The following KDF1 variants were observed in gnomAD, a reference collection of about 807,000 sequenced individuals.
KDF1 encodes the protein RP11-344H11.3.
In KDF1, 11 loss-of-function variants were observed where a neutral mutation model predicts 31.6. That is an observed-to-expected ratio of 0.35 (90% CI 0.22 to 0.58). KDF1 has a LOEUF of 0.58. Ranked by LOEUF, KDF1 falls within the 20% of genes least tolerant of loss-of-function variation. The pLI is 0.83. For missense variants in KDF1, 476 were observed against 549.1 expected (o/e 0.87, Z 1.33); for synonymous variants, 205 against 214.4 (o/e 0.96, Z 0.38).
Position 26,960,336 on chromosome 1 carries a change from C to G in KDF1, c.-33+14G>C, listed in dbSNP as rs572115798. The G allele has an allele frequency of 1.3e-5, 2 of 152,208 alleles. No individual in the cohort carries two copies. The highest frequency in any genetic ancestry group is 1.9e-4 in the East Asian group (1 of 5,174). 9.4% of individuals were successfully genotyped at this position (152,208 alleles called of 1,614,324 possible). On this transcript the variant is annotated intron_variant, in intron 1 of 3. Coordinates refer to ENST00000320567, the MANE Select transcript of KDF1 (RefSeq NM_152365.3). This position sits in a 1 kb window ranked among gnomAD's most constrained non-coding sequence, Gnocchi z 4.9. ...GCCCTGGCTTGCGCCCCCCTGGGCC[C>G]GCGCCGGGCTTACCTGTCCCGCCAG...
At chr1:26,957,039 G>A (rs1030694891) in intron 1 of KDF1, among the ~76,000 whole-genome samples, 8 of 152,168 alleles carry the variant, frequency 5.3e-5, no homozygotes, top group South Asian at 2.1e-4. Context: ...TGATCCTCCT[G>A]CCTCAGCCAC....
Position 26,952,024 on chromosome 1 carries a change from A to C in KDF1, c.357T>G (p.Thr119=). ...CCCAGTTGGCTTCAGCAGTCCCCTCAGTGGAGTCCTCAGTAGACAGGCAGG... is the reference window on the plus strand; with the variant it reads ...CCCAGTTGGCTTCAGCAGTCCCCTCCGTGGAGTCCTCAGTAGACAGGCAGG... ...CSPCLSTEDS[T]EGTAEANWAK... Residue 119 remains threonine, a synonymous_variant, in exon 2 of 4, where the codon ACT becomes ACG. Transcript: ENST00000320567. The surrounding 1 kb of genome is among the most constrained non-coding windows in gnomAD (Gnocchi z 4.1). 1.2e-6 allele frequency: 2 copies of C among 1,613,456 alleles called. No individual in the cohort carries two copies. Among genetic ancestry groups the C allele is most frequent in the Non-Finnish European group, 1.7e-6 (2 of 1,179,842 alleles).
chr1:26,953,595 T>C (rs2082362397), intron 1 of KDF1, among the ~76,000 whole-genome samples: 1 of 152,220 alleles, frequency 6.6e-6, no homozygotes, highest in Non-Finnish European at 1.5e-5. Context: ...GAAAGGAAAT[T>C]CTTATACATG....
Position 26,951,880 on chromosome 1 carries a change from T to C in KDF1, c.501A>G (p.Lys167=), listed in dbSNP as rs527397998. The change falls in exon 2 of 4, where the codon AAA becomes AAG. Residue 167 remains lysine (K), a synonymous_variant. Coordinates refer to ENST00000320567, the MANE Select transcript of KDF1 (RefSeq NM_152365.3). This position sits in a 1 kb window ranked among gnomAD's most constrained non-coding sequence, Gnocchi z 5.4. ...TCGGGTAGGGATACACAGGGATGCCTTTGAGCTTAACATCGGGGTAGCTGA... is the reference window on the plus strand; with the variant it reads ...TCGGGTAGGGATACACAGGGATGCCCTTGAGCTTAACATCGGGGTAGCTGA... ...SSFSYPDVKL[K]GIPVYPYPRA... is the part of the protein sequence containing the mutation. 6.2e-7 allele frequency: 1 copy of C among 1,612,112 alleles called. No individual in the cohort carries two copies. The highest frequency in any genetic ancestry group is 2.2e-5 in the East Asian group (1 of 44,822).
chr1:26,954,600 AGGT>A (rs960533157), intron 1 of KDF1, among the ~76,000 whole-genome samples: 1 of 150,856 alleles, frequency 6.6e-6, no homozygotes, highest in Non-Finnish European at 1.5e-5. Context: ...TGGGCGGCTG[AGGT>A]GGGCGGATGA....
chr1:26,953,902 C>G (rs1280009557), intron 1 of KDF1, among the ~76,000 whole-genome samples: 1 of 150,538 alleles, frequency 6.6e-6, no homozygotes, highest in South Asian at 2.1e-4. Context: ...TTGCAGTGAG[C>G]TGAGATCGTG....
intron 1 of KDF1, among the ~76,000 whole-genome samples, chr1:26,954,318 G>A (rs1184139021): frequency 6.6e-6 from 1 of 151,574 alleles, no homozygotes; most frequent in Admixed American, 6.6e-5. Context: ...CTGCCTCCTG[G>A]GTTCAAGTGA....
chr1:26,958,853 G>A (rs2082388650), intron 1 of KDF1, among the ~76,000 whole-genome samples: 1 of 152,160 alleles, frequency 6.6e-6, no homozygotes, highest in Non-Finnish European at 1.5e-5. Context: ...GCTGAGCTCG[G>A]AAGTACGTGG....
Position 26,952,124 on chromosome 1 carries a change from C to T in KDF1, c.257G>A (p.Cys86Tyr). The change falls in exon 2 of 4, where the codon TGC (cysteine) becomes TAC (tyrosine). Residue 86 changes from cysteine to tyrosine, a missense_variant. Physicochemically the swap from Cys to Tyr is radical, Grantham distance 194. Coordinates refer to ENST00000320567, the MANE Select transcript of KDF1 (RefSeq NM_152365.3). This position sits in a 1 kb window ranked among gnomAD's most constrained non-coding sequence, Gnocchi z 4.1. ...GCGGCGGAAGCAGAAGGCAGCCCGG[C>T]ACCACTCCCACACCCAGGGTCGCCA... is the stretch of plus-strand genomic sequence containing the variant. ...LLWRPWVWEW[C>Y]RAAFCFRRCR... 1 of 1,613,472 alleles carries T rather than the reference C, an allele frequency of 6.2e-7. No individual in the cohort carries two copies. The highest frequency in any genetic ancestry group is 8.5e-7 in the Non-Finnish European group (1 of 1,179,912).
At chr1:26,959,996 C>CA (rs1434641204) in intron 1 of KDF1, among the ~76,000 whole-genome samples, 1 of 152,188 alleles carries the variant, frequency 6.6e-6, no homozygotes. Flanking sequence ...CTACCCTCTC[C>CA]AGCTGCAAGG....
Position 26,952,376 on chromosome 1 carries a change from G to A in KDF1, c.5C>T (p.Pro2Leu). The A allele has an allele frequency of 6.6e-7, 1 of 1,504,196 alleles. No homozygotes were observed. Among genetic ancestry groups the A allele is most frequent in the South Asian group, 1.3e-5 (1 of 75,054 alleles). 93.2% of individuals were successfully genotyped at this position (1,504,196 alleles called of 1,614,324 possible). A position where few individuals can be genotyped will look rare whatever the true frequency, so the allele number is the denominator to read the frequency against. ...TGCTGGGCGGGGGTGTCCAGGGCGGGGCATGGCTCATTGCATGGTTTGTAG... is the reference window on the plus strand; with the variant it reads ...TGCTGGGCGGGGGTGTCCAGGGCGGAGCATGGCTCATTGCATGGTTTGTAG... M[P>L]RPGHPRPASG... is the part of the protein sequence containing the mutation. The change falls in exon 2 of 4, where the codon CCC becomes CTC. Residue 2 changes from proline to leucine, a missense_variant. Around this residue, in one of 2 missense-constraint regions of KDF1, gnomAD observed 330 missense variants for 332.3 expected, o/e 0.99. Coordinates refer to ENST00000320567, the MANE Select transcript of KDF1 (RefSeq NM_152365.3). The surrounding 1 kb of genome is among the most constrained non-coding windows in gnomAD (Gnocchi z 4.1).
chr1:26,950,728 C>T lies in KDF1; in HGVS notation c.1068G>A (p.Thr356=), dbSNP rs149105138. 130 of 1,613,808 alleles carry T rather than the reference C, an allele frequency of 8.1e-5. No homozygotes were observed. The highest frequency in any genetic ancestry group is 1.0e-4 in the Non-Finnish European group (123 of 1,179,952). ...DELTVQISQE[T]TADAIARKLR... ...GCTTCCGGGCGATGGCATCTGCAGT[C>T]GTCTCCTGGGAGATCTGCACTGTCA... is the stretch of plus-strand genomic sequence containing the variant. Residue 356 remains threonine (T), a synonymous_variant, in exon 3 of 4, where the codon ACG becomes ACA. Transcript: ENST00000320567. This position sits in a 1 kb window ranked among gnomAD's most constrained non-coding sequence, Gnocchi z 4.0.
Position 26,950,857 on chromosome 1 carries a change from C to A in KDF1, c.1040-101G>T. On this transcript the variant is annotated intron_variant, in intron 2 of 3. Coordinates refer to ENST00000320567, the MANE Select transcript of KDF1 (RefSeq NM_152365.3). This position sits in a 1 kb window ranked among gnomAD's most constrained non-coding sequence, Gnocchi z 4.0. Reference sequence around the variant, plus strand: ...CCGATGAGGGAGGAGCCACTCACTCCTGGGCAGGGCTAGAAAAATAATGCT... The same window carrying A: ...CCGATGAGGGAGGAGCCACTCACTCATGGGCAGGGCTAGAAAAATAATGCT... 1.0e-6 allele frequency: 1 copy of A among 982,414 alleles called. No homozygotes were observed. The highest frequency in any genetic ancestry group is 1.6e-6 in the Non-Finnish European group (1 of 624,236). 60.9% of individuals were successfully genotyped at this position (982,414 alleles called of 1,614,324 possible). A position where few individuals can be genotyped will look rare whatever the true frequency, so the allele number is the denominator to read the frequency against.
In KDF1 at chr1:26,952,257, T is replaced by A. The variant is rs1299651921; in HGVS notation, c.124A>T (p.Thr42Ser). ...KPPQPPPSRR[T>S]RRPDPKDPGH... is the part of the protein sequence containing the mutation. ...GGGTCCTTGGGGTCTGGTCTACGGG[T>A]GCGGCGGCTTGGTGGGGGCTGAGGT... Residue 42 changes from threonine to serine, a missense_variant, in exon 2 of 4, where the codon ACC becomes TCC. Physicochemically the swap from Thr to Ser is moderately conservative, Grantham distance 58. Coordinates refer to ENST00000320567, the MANE Select transcript of KDF1 (RefSeq NM_152365.3). The surrounding 1 kb of genome is among the most constrained non-coding windows in gnomAD (Gnocchi z 4.1). 2 of 1,587,056 alleles carry A rather than the reference T, an allele frequency of 1.3e-6. No homozygotes were observed. Among genetic ancestry groups the A allele is most frequent in the Admixed American group, 3.5e-5 (2 of 57,032 alleles).
At position 26,950,157 on chromosome 1, in the gene KDF1, A is replaced by G. The variant is rs1336130450; in HGVS notation, c.1115-6T>C. On this transcript the variant is annotated splice_polypyrimidine_tract_variant and splice_region_variant and intron_variant, in intron 3 of 3. Transcript: ENST00000320567. This position sits in a 1 kb window ranked among gnomAD's most constrained non-coding sequence, Gnocchi z 4.0. Reference sequence around the variant, plus strand: ...GTCATGGCTTGCTGGGTACCCTGGTAGGAAGGAGAGGAGAGGAGGAAACAG... The same window carrying G: ...GTCATGGCTTGCTGGGTACCCTGGTGGGAAGGAGAGGAGAGGAGGAAACAG... The G allele has an allele frequency of 4.3e-6, 7 of 1,611,716 alleles. No individual in the cohort carries two copies. The highest frequency in any genetic ancestry group is 5.9e-6 in the Non-Finnish European group (7 of 1,177,984).
intron 1 of KDF1, among the ~76,000 whole-genome samples, chr1:26,953,892 T>C (rs1570756623): frequency 6.7e-6 from 1 of 149,930 alleles, no homozygotes; most frequent in Non-Finnish European, 1.5e-5. Context: ...GAGGTGGAGG[T>C]TGCAGTGAGC....
At chr1:26,953,553 C>T (rs1017917584) in intron 1 of KDF1, among the ~76,000 whole-genome samples, 3 of 152,154 alleles carry the variant, frequency 2.0e-5, no homozygotes, top group Admixed American at 6.5e-5. Flanking sequence ...GTGGTATATA[C>T]ATACAATGGA....
At chr1:26,959,853 C>A (rs1316953463) in intron 1 of KDF1, among the ~76,000 whole-genome samples, 6 of 152,280 alleles carry the variant, frequency 3.9e-5, no homozygotes, top group Middle Eastern at 3.4e-3. Context: ...CCCTCGGCCT[C>A]CTGCCCCAAA....
intron 1 of KDF1, among the ~76,000 whole-genome samples, chr1:26,955,175 T>C (rs1160107861): frequency 6.6e-6 from 1 of 152,120 alleles, no homozygotes; most frequent in Non-Finnish European, 1.5e-5. Flanking sequence ...GTAACTTTTA[T>C]AGCTATTTTA....
Sources: allele counts gnomAD v4.1 joint callset (sites outside exome capture counted in the v4.1 genomes callset), GRCh38; gene constraint gnomAD v4.1.1; regional missense constraint gnomAD v4.1.1; non-coding constraint Gnocchi (gnomAD v3.1); transcripts MANE v1.5; gene names NCBI Gene and HGNC (gene_info 2026-07-23, HGNC 2026-07-21).